METTL15: variants seen among roughly 807,000 people sequenced by gnomAD.
The protein encoded by METTL15 is methyltransferase 15, mitochondrial 12S rRNA N4-cytidine, also known as 12S rRNA N(4)-cytidine methyltransferase METTL15.
In METTL15, 34 loss-of-function variants were observed where a neutral mutation model predicts 38.3. The observed-to-expected ratio is 0.89, with a 90% CI of 0.68 to 1.18. METTL15 has a LOEUF of 1.18. METTL15 is among the 50% of genes most tolerant of loss of function. METTL15 has a pLI of 0.00. For missense variants in METTL15, 438 were observed against 498.4 expected, an observed-to-expected ratio of 0.88 and a Z score of 1.15; for synonymous variants, 162 against 170.9, an observed-to-expected ratio of 0.95 and a Z score of 0.41.
intron 5 of METTL15, among the ~76,000 whole-genome samples, chr11:28,380,166 TG>T (rs1227723924): frequency 8.3e-6 from 1 of 120,074 alleles, no homozygotes; most frequent in Admixed American, 1.1e-4. Context: ...AGCCACTTTA[TG>T]CTTTTTTTTT....
chr11:28,279,914 C>CAAAAAA (rs57284585), intron 4 of METTL15, among the ~76,000 whole-genome samples: 56 of 81,608 alleles, frequency 6.9e-4, no homozygotes, highest in Admixed American at 3.2e-3. Context: ...CAAAACAAAA[C>CAAAAAA]AAAAAAAAAA....
chr11:28,132,642 A>T (rs550478981), intron 3 of METTL15, among the ~76,000 whole-genome samples: 1 of 152,254 alleles, frequency 6.6e-6, no homozygotes, highest in African/African-American at 2.4e-5. Flanking sequence ...TTTACCCTAC[A>T]GTGAATTTTT....
chr11:28,443,614 C>T (rs758539950), intron 6 of METTL15, among the ~76,000 whole-genome samples: 6 of 152,224 alleles, frequency 3.9e-5, no homozygotes, highest in South Asian at 4.2e-4. Flanking sequence ...TGTTTACACC[C>T]GAAACCTGCT....
At chr11:28,196,290 G>A (rs1487203005) in intron 3 of METTL15, among the ~76,000 whole-genome samples, 1 of 151,932 alleles carries the variant, frequency 6.6e-6, no homozygotes, top group African/African-American at 2.4e-5. Context: ...ACTGCTTTGG[G>A]CAGTATGGTC....
At chr11:28,248,436 C>T (rs1854603253) in intron 4 of METTL15, among the ~76,000 whole-genome samples, 1 of 152,030 alleles carries the variant, frequency 6.6e-6, no homozygotes, top group East Asian at 1.9e-4. Context: ...ATCCCTTGTT[C>T]ATAGATTTTG....
intron 5 of METTL15, among the ~76,000 whole-genome samples, chr11:28,397,709 T>A (rs1413220013): frequency 6.6e-6 from 1 of 152,100 alleles, no homozygotes; most frequent in East Asian, 1.9e-4. Context: ...GAACTAGAAA[T>A]ACCATTTGAC....
chr11:28,383,673 T>C (rs1302038705), intron 5 of METTL15, among the ~76,000 whole-genome samples: 4 of 152,188 alleles, frequency 2.6e-5, no homozygotes, highest in Non-Finnish European at 4.4e-5. Context: ...TAGTGTGAGA[T>C]AGTATCTCGT....
chr11:28,332,532 T>C lies in METTL15; in HGVS notation c.*1691T>C, dbSNP rs1205317799. On this transcript the variant is annotated 3_prime_UTR_variant, in exon 7 of 7. Transcript: ENST00000407364. ...GGTTGAATGGTGTCCTCTCCAAAAT[T>C]CATGTACTTCCTGGAGCCTCAGTAT... The C allele has an allele frequency of 4.0e-5, 6 of 150,598 alleles. No homozygotes were observed. Among genetic ancestry groups the C allele is most frequent in the South Asian group, 2.1e-4 (1 of 4,750 alleles). 9.3% of individuals were successfully genotyped at this position (150,598 alleles called of 1,614,324 possible). A position where few individuals can be genotyped will look rare whatever the true frequency, so the allele number is the denominator to read the frequency against.
intron 4 of METTL15, among the ~76,000 whole-genome samples, chr11:28,243,943 A>G (rs1854407923): frequency 6.6e-6 from 1 of 152,214 alleles, no homozygotes; most frequent in Non-Finnish European, 1.5e-5. Flanking sequence ...GCAGGACACA[A>G]TGAGGGATAT....
intron 6 of METTL15, among the ~76,000 whole-genome samples, chr11:28,476,624 G>T (rs896428546): frequency 6.6e-6 from 1 of 152,122 alleles, no homozygotes; most frequent in African/African-American, 2.4e-5. Flanking sequence ...TTTCCTAAGA[G>T]AAACTATATT....
intron 3 of METTL15, among the ~76,000 whole-genome samples, chr11:28,200,857 G>C (rs1187707031): frequency 1.3e-5 from 2 of 152,064 alleles, no homozygotes; most frequent in Admixed American, 6.6e-5. Flanking sequence ...TTCAGACAGA[G>C]ACAAATTGAT....
intron 3 of METTL15, among the ~76,000 whole-genome samples, chr11:28,339,505 T>A (rs1849931021): frequency 2.9e-5 from 4 of 137,976 alleles, no homozygotes; most frequent in South Asian, 2.3e-4. Context: ...ATATCTAGAG[T>A]AAAGCATAAT....
At chr11:28,485,746 C>T (rs1230671722) in intron 6 of METTL15, among the ~76,000 whole-genome samples, 1 of 152,144 alleles carries the variant, frequency 6.6e-6, no homozygotes, top group Non-Finnish European at 1.5e-5. Flanking sequence ...TAACAAAATA[C>T]GTACTGGGTG....
intron 4 of METTL15, among the ~76,000 whole-genome samples, chr11:28,251,105 C>T (rs1854723882): frequency 6.6e-6 from 1 of 151,960 alleles, no homozygotes; most frequent in Non-Finnish European, 1.5e-5. Flanking sequence ...CCATTTGTTT[C>T]TCAGTAGAGC....
intron 4 of METTL15, among the ~76,000 whole-genome samples, chr11:28,282,752 A>C (rs1043340113): frequency 6.6e-6 from 1 of 152,190 alleles, no homozygotes; most frequent in Non-Finnish European, 1.5e-5. Context: ...CATATGGTCC[A>C]TTCATCATCT....
chr11:28,193,178 G>A (rs185143706), intron 3 of METTL15, among the ~76,000 whole-genome samples: 1 of 152,062 alleles, frequency 6.6e-6, no homozygotes, highest in East Asian at 1.9e-4. Context: ...ATTCTTTAAA[G>A]GATATATTTA....
chr11:28,307,030 TAA>T (rs1179685089), intron 6 of METTL15, among the ~76,000 whole-genome samples: 5 of 151,962 alleles, frequency 3.3e-5, no homozygotes, highest in South Asian at 2.1e-4. Flanking sequence ...TCAGAAATAT[TAA>T]GTTTCATCAT....
At chr11:28,231,337 A>G (rs926240888) in intron 4 of METTL15, among the ~76,000 whole-genome samples, 1 of 151,840 alleles carries the variant, frequency 6.6e-6, no homozygotes, top group African/African-American at 2.4e-5. Context: ...ACAAGAAGGA[A>G]GAGTACTCAT....
chr11:28,376,684 G>GA (rs1199524636), intron 5 of METTL15, among the ~76,000 whole-genome samples: 5 of 151,472 alleles, frequency 3.3e-5, no homozygotes, highest in Non-Finnish European at 5.9e-5. Context: ...TGTTATGTGT[G>GA]AATTTGATCC....
Sources: allele counts gnomAD v4.1 joint callset (sites outside exome capture counted in the v4.1 genomes callset), GRCh38; gene constraint gnomAD v4.1.1; transcripts MANE v1.5; gene names NCBI Gene and HGNC (gene_info 2026-07-23, HGNC 2026-07-21).